The following CPXM1 variants were observed in gnomAD, a reference collection of about 807,000 sequenced individuals.
CPXM1 encodes probable carboxypeptidase X1.
Under a neutral mutation model 80.4 loss-of-function variants are expected in CPXM1, and 72 were observed. That is an observed-to-expected ratio of 0.90 (90% confidence interval 0.74 to 1.09). CPXM1 has a LOEUF of 1.09. Among genes scored for constraint, CPXM1 ranks in the 50% least tolerant of loss-of-function variants. CPXM1 has a pLI of 0.00. For missense variants in CPXM1, 892 were observed against 999.4 expected (o/e 0.89, Z 1.45); for synonymous variants, 403 against 405.6 (o/e 0.99, Z 0.08).
rs1450681887 is a variant in CPXM1, at chr20:2,795,221, C to T, written c.1860+56G>A. The stretch of plus-strand genomic sequence containing the variant: ...AAGAACCCCTGGTAGGAGCTGTAGC[C>T]TAAATGGACAGCAGGAGTGATTCAG... On this transcript the variant is annotated intron_variant, in intron 12 of 13. Coordinates refer to ENST00000380605, the MANE Select transcript of CPXM1 (RefSeq NM_019609.5). The surrounding 1 kb of genome is among the most constrained non-coding windows in gnomAD (Gnocchi z 5.4). The T allele has an allele frequency of 2.5e-6, 4 of 1,588,392 alleles. No homozygotes were observed. In the South Asian group the frequency reaches 4.6e-5, roughly 18 times the overall value.
rs1450711124 is a variant in CPXM1 at position 2,795,120 on chromosome 20, G to A, written c.1860+157C>T. Among the ~76,000 whole-genome samples, 2 of 152,168 alleles carry A rather than the reference G, an allele frequency of 1.3e-5. No individual in the cohort carries two copies. Among genetic ancestry groups the A allele is most frequent in the African/African-American group, 2.4e-5 (1 of 41,424 alleles). ...GCCAGCAAACTGCACTTCCTGTCCTGTGTGCTTCCAAGACAATCTGATACC... is the reference window on the plus strand; with the variant it reads ...GCCAGCAAACTGCACTTCCTGTCCTATGTGCTTCCAAGACAATCTGATACC... On this transcript the variant is annotated intron_variant, in intron 12 of 13. Transcript: ENST00000380605. This position sits in a 1 kb window ranked among gnomAD's most constrained non-coding sequence, Gnocchi z 5.4.
chr20:2,796,196 T>G lies in CPXM1; in HGVS notation c.1243-35A>C, dbSNP rs1022282686. On this transcript the variant is annotated intron_variant, in intron 9 of 13. Transcript: ENST00000380605. The surrounding 1 kb of genome is among the most constrained non-coding windows in gnomAD (Gnocchi z 6.8). ...AAGAGGCTTGTTCAAGTCGAGCAGG[T>G]CCAGCCACCAGGGCAGAAGGACAGA... The G allele has an allele frequency of 9.3e-6, 15 of 1,608,682 alleles. No homozygotes were observed. Among genetic ancestry groups the G allele is most frequent in the Non-Finnish European group, 1.3e-5 (15 of 1,176,800 alleles).
In CPXM1 at chr20:2,795,606, G is replaced by A. The variant is rs757667358; in HGVS notation, c.1713C>T (p.Val571=). 11 of 1,613,056 alleles carry A rather than the reference G, an allele frequency of 6.8e-6. No individual in the cohort carries two copies. The South Asian group carries it at 9.9e-5, about 14-fold the overall frequency. The change falls in exon 11 of 14, where the codon GTC becomes GTT. Residue 571 remains valine, a synonymous_variant. Coordinates refer to ENST00000380605, the MANE Select transcript of CPXM1 (RefSeq NM_019609.5). This position sits in a 1 kb window ranked among gnomAD's most constrained non-coding sequence, Gnocchi z 5.4. ...NIINGADWHT[V]PGSMNDFSYL... ...CCACCCTCAGGCACATACTCCCGGG[G>A]ACCGTGTGCCAGTCAGCCCCGTTGA...
chr20:2,797,015 G>C lies in CPXM1; in HGVS notation c.912C>G (p.Ala304=). Residue 304 remains alanine, a synonymous_variant, in exon 7 of 14, where the codon GCC becomes GCG. Coordinates refer to ENST00000380605, the MANE Select transcript of CPXM1 (RefSeq NM_019609.5). ...AGGGGTTATATCTGACCTTCCTCAT[G>C]GCCTTGTAATTGTGATGCTGAAAGT... ...PLDFQHHNYK[A]MRKLMKQVQE... 1 of 1,613,992 alleles carries C rather than the reference G, an allele frequency of 6.2e-7. No homozygotes were observed. Among genetic ancestry groups the C allele is most frequent in the Non-Finnish European group, 8.5e-7 (1 of 1,179,902 alleles).
rs748944255 is a variant in CPXM1, at chr20:2,796,537, C to T, written c.1035G>A (p.Glu345=). ...TCCCCATGCCAGTACCCAGCTCATG[C>T]TCCCCAGGCTTGTCCGACATTTCCA... The part of the protein sequence containing the change: ...YVMEMSDKPG[E]HELGEPEVRY... The change falls in exon 8 of 14, where the codon GAG becomes GAA. Residue 345 remains glutamate, a synonymous_variant. Transcript: ENST00000380605. This position sits in a 1 kb window ranked among gnomAD's most constrained non-coding sequence, Gnocchi z 6.8. The T allele has an allele frequency of 3.1e-6, 5 of 1,614,186 alleles. No individual in the cohort carries two copies. The highest frequency in any genetic ancestry group is 1.7e-5 in the Admixed American group (1 of 60,024).
chr20:2,794,084 G>C lies in CPXM1; in HGVS notation c.*106C>G, dbSNP rs753047072. ...AACACGAAGATGAGCTAAGGTGCCC[G>C]GTAGCTTTAATGAGCACCTTTTCCT... is the stretch of plus-strand genomic sequence containing the variant. On this transcript the variant is annotated 3_prime_UTR_variant, in exon 14 of 14. Transcript: ENST00000380605. The surrounding 1 kb of genome is among the most constrained non-coding windows in gnomAD (Gnocchi z 5.2). 1.9e-5 allele frequency: 27 copies of C among 1,446,044 alleles called. No homozygotes were observed. Among genetic ancestry groups the C allele is most frequent in the Non-Finnish European group, 2.3e-5 (25 of 1,076,496 alleles). 89.6% of individuals were successfully genotyped at this position (1,446,044 alleles called of 1,614,324 possible). A position where few individuals can be genotyped will look rare whatever the true frequency, so the allele number is the denominator to read the frequency against.
chr20:2,796,276 G>C lies in CPXM1; in HGVS notation c.1213C>G (p.Pro405Ala), dbSNP rs1279634742. 2 of 1,613,804 alleles carry C rather than the reference G, an allele frequency of 1.2e-6. No individual in the cohort carries two copies. Among genetic ancestry groups the C allele is most frequent in the East Asian group, 4.5e-5 (2 of 44,872 alleles). Reference sequence around the variant, plus strand: ...TGGTAGGCGATCTCATAGCCATCAGGGTTCATGGAGGGCAGCAGGTGAATG... The same window carrying C: ...TGGTAGGCGATCTCATAGCCATCAGCGTTCATGGAGGGCAGCAGGTGAATG... Reference protein sequence around the residue: ...MRIHLLPSMNPDGYEIAYHRG... With the variant: ...MRIHLLPSMNADGYEIAYHRG... The change falls in exon 9 of 14, where the codon CCT (proline) becomes GCT (alanine). Residue 405 changes from proline (P) to alanine (A), a missense_variant. By Grantham distance (27) the Pro-to-Ala change is conservative (BLOSUM62 -1). This residue lies in a region of CPXM1 where 874 missense variants were observed against 958.4 expected (regional missense o/e 0.91). Coordinates refer to ENST00000380605, the MANE Select transcript of CPXM1 (RefSeq NM_019609.5). The surrounding 1 kb of genome is among the most constrained non-coding windows in gnomAD (Gnocchi z 6.8).
chr20:2,795,143 A>G lies in CPXM1; in HGVS notation c.1860+134T>C. The stretch of plus-strand genomic sequence containing the variant: ...CTGTGTGCTTCCAAGACAATCTGAT[A>G]CCAAGCATGGCCCATGGCATCTTGT... On this transcript the variant is annotated intron_variant, in intron 12 of 13. Coordinates refer to ENST00000380605, the MANE Select transcript of CPXM1 (RefSeq NM_019609.5). The surrounding 1 kb of genome is among the most constrained non-coding windows in gnomAD (Gnocchi z 5.4). 9.1e-7 allele frequency: 1 copy of G among 1,099,582 alleles called. No homozygotes were observed. The highest frequency in any genetic ancestry group is 1.3e-6 in the Non-Finnish European group (1 of 760,078). 68.1% of individuals were successfully genotyped at this position (1,099,582 alleles called of 1,614,324 possible). A position where few individuals can be genotyped will look rare whatever the true frequency, so the allele number is the denominator to read the frequency against.
In CPXM1 at chr20:2,794,523, C is replaced by T; in HGVS notation, c.1963+14G>A. On this transcript the variant is annotated intron_variant, in intron 13 of 13. Transcript: ENST00000380605. This position sits in a 1 kb window ranked among gnomAD's most constrained non-coding sequence, Gnocchi z 5.2. ...CCCTCCAGCCCCTTCCCTTGCCCTC[C>T]CGGTCAAACACACCCGTGGTCACGT... The T allele has an allele frequency of 6.2e-7, 1 of 1,613,974 alleles. No individual in the cohort carries two copies. Among genetic ancestry groups the T allele is most frequent in the Non-Finnish European group, 8.5e-7 (1 of 1,179,958 alleles).
Position 2,796,875 on chromosome 20 carries a change from AAGGCTGAGACATCAGG to A in CPXM1, c.921+115_921+130del. On this transcript the variant is annotated intron_variant, in intron 7 of 13. Coordinates refer to ENST00000380605, the MANE Select transcript of CPXM1 (RefSeq NM_019609.5). This position sits in a 1 kb window ranked among gnomAD's most constrained non-coding sequence, Gnocchi z 6.8. ...TGGAGCTTAGGGGTCCACAGGAGAG[AAGGCTGAGACATCAGG>A]AGGCAGCAGGGGCATACAAGCGCAG... 9.9e-7 allele frequency: 1 copy of A among 1,012,548 alleles called. No homozygotes were observed. The highest frequency in any genetic ancestry group is 1.5e-6 in the Non-Finnish European group (1 of 671,856). The allele number at this position is 1,012,548 out of a possible 1,614,324, so 62.7% of individuals were successfully genotyped here. A position where few individuals can be genotyped will look rare whatever the true frequency, so the allele number is the denominator to read the frequency against.
At chr20:2,799,000 AC>A in intron 1 of CPXM1, 107 bp from the exon 2 acceptor site, 1 of 1,150,518 alleles carries the variant, frequency 8.7e-7, no homozygotes, top group Non-Finnish European at 1.3e-6. Flanking sequence ...AGGCCACACC[AC>A]CAGGATCTAA....
At chr20:2,799,312 C>T (rs1430867223) in intron 1 of CPXM1, among the ~76,000 whole-genome samples, 1 of 152,186 alleles carries the variant, frequency 6.6e-6, no homozygotes, top group Non-Finnish European at 1.5e-5. Flanking sequence ...AGCCCAGATG[C>T]CTTTCCAAGG....
rs753724473 is a variant in CPXM1, at chr20:2,796,036, G to A, written c.1368C>T (p.Ile456=). ...EAQDDGKVPH[I]VPNHHLPLPT... ...GCAATGGCAGGTGATGGTTGGGGAC[G>A]ATGTGGGGCACCTTCCCATCGTCCT... is the stretch of plus-strand genomic sequence containing the variant. The change falls in exon 10 of 14, where the codon ATC becomes ATT. Residue 456 remains isoleucine (I), a synonymous_variant. Coordinates refer to ENST00000380605, the MANE Select transcript of CPXM1 (RefSeq NM_019609.5). This position sits in a 1 kb window ranked among gnomAD's most constrained non-coding sequence, Gnocchi z 6.8. 13 of 1,613,620 alleles carry A rather than the reference G, an allele frequency of 8.1e-6. No homozygotes were observed. The Admixed American group carries it at 1.0e-4, about 12-fold the overall frequency.
At position 2,800,617 on chromosome 20, in the gene CPXM1, G is replaced by A. The variant is rs907135416; in HGVS notation, c.-45C>T. The A allele has an allele frequency of 1.8e-5, 24 of 1,306,858 alleles. No individual in the cohort carries two copies. Among genetic ancestry groups the A allele is most frequent in the South Asian group, 6.4e-5 (3 of 47,110 alleles). 81.0% of individuals were successfully genotyped at this position (1,306,858 alleles called of 1,614,324 possible). ...GGGCGCGCGGGCTACGGCGGGTGGC[G>A]GGTCGGTCTCTTCCTGCCGAGTGCG... On this transcript the variant is annotated 5_prime_UTR_variant, in exon 1 of 14. Transcript: ENST00000380605.
chr20:2,800,172 T>A (rs1396706295), intron 1 of CPXM1, among the ~76,000 whole-genome samples: 1 of 150,596 alleles, frequency 6.6e-6, no homozygotes, highest in Non-Finnish European at 1.5e-5. Context: ...TGTGTGTGCA[T>A]GCGTGTGAAT....
At position 2,795,589 on chromosome 20, in the gene CPXM1, A is replaced by G. The variant is rs758603446; in HGVS notation, c.1720+10T>C. 2.5e-5 allele frequency: 41 copies of G among 1,610,432 alleles called. No individual in the cohort carries two copies. Among genetic ancestry groups the G allele is most frequent in the Non-Finnish European group, 3.4e-5 (40 of 1,177,208 alleles). ...CGGGGCCAGGGCTAACTCCACCCTC[A>G]GGCACATACTCCCGGGGACCGTGTG... On this transcript the variant is annotated intron_variant, in intron 11 of 13. Transcript: ENST00000380605. The surrounding 1 kb of genome is among the most constrained non-coding windows in gnomAD (Gnocchi z 5.4).
Position 2,796,000 on chromosome 20 carries a change from G to A in CPXM1, c.1404C>T (p.Tyr468=). Residue 468 remains tyrosine (Y), a synonymous_variant, in exon 10 of 14, where the codon TAC becomes TAT. Transcript: ENST00000380605. The surrounding 1 kb of genome is among the most constrained non-coding windows in gnomAD (Gnocchi z 5.4). ...TACTCACGGTGGCATTGGGCAGGGT[G>A]TAGTAAGTGGGCAATGGCAGGTGAT... ...PNHHLPLPTY[Y]TLPNATVAPE... is the part of the protein sequence containing the mutation. 1 of 1,610,684 alleles carries A rather than the reference G, an allele frequency of 6.2e-7. No individual in the cohort carries two copies. Among genetic ancestry groups the A allele is most frequent in the Non-Finnish European group, 8.5e-7 (1 of 1,178,266 alleles).
In CPXM1 at chr20:2,800,602, G is replaced by C; in HGVS notation, c.-30C>G. 7.6e-7 allele frequency: 1 copy of C among 1,316,242 alleles called. No homozygotes were observed. Among genetic ancestry groups the C allele is most frequent in the Non-Finnish European group, 9.7e-7 (1 of 1,035,894 alleles). The allele number at this position is 1,316,242 out of a possible 1,614,324, so 81.5% of individuals were successfully genotyped here. A position where few individuals can be genotyped will look rare whatever the true frequency, so the allele number is the denominator to read the frequency against. On this transcript the variant is annotated 5_prime_UTR_variant, in exon 1 of 14. Coordinates refer to ENST00000380605, the MANE Select transcript of CPXM1 (RefSeq NM_019609.5). ...GGGATTGAGTGCCAGGGGCGCGCGG[G>C]CTACGGCGGGTGGCGGGTCGGTCTC...
At chr20:2,800,115 T>TGCGCGCGCGTGCACTGTGTGTGCGC (rs2088552538) in intron 1 of CPXM1, among the ~76,000 whole-genome samples, 2 of 147,750 alleles carry the variant, frequency 1.4e-5, no homozygotes, top group African/African-American at 2.5e-5. Flanking sequence ...AGTGTGAGTG[T>TGCGCGCGCGTGCACTGTGTGTGCGC]GCGCGCGCGT....
Sources: gnomAD v4.1 joint callset for allele counts (sites outside exome capture counted in the v4.1 genomes callset) on GRCh38, gnomAD v4.1.1 for gene constraint, gnomAD v4.1.1 regional missense constraint, Gnocchi (gnomAD v3.1) non-coding constraint, MANE v1.5 for transcripts, NCBI Gene and HGNC (gene_info 2026-07-23, HGNC 2026-07-21) for gene names.